KCNH1: variants seen among roughly 807,000 people sequenced by gnomAD.
The protein encoded by KCNH1 is potassium voltage-gated channel subfamily H member 1.
KCNH1 carries 27 observed loss-of-function variants against 69.2 expected under a neutral mutation model. That is an observed-to-expected ratio of 0.39 (90% CI 0.29 to 0.54). KCNH1 has a LOEUF of 0.54. KCNH1 is among the 20% of genes least tolerant of loss of function. The probability of loss-of-function intolerance (pLI) is 0.68; values close to 1 mark genes in which losing one functional copy is unlikely to be tolerated. For missense variants in KCNH1, 798 were observed against 1,261.6 expected (o/e 0.63, Z 5.57); for synonymous variants, 456 against 487.7 (o/e 0.93, Z 0.86).
intron 7 of KCNH1, among the ~76,000 whole-genome samples, chr1:210,916,871 G>C (rs1687343095): frequency 6.6e-6 from 1 of 152,028 alleles, no homozygotes; most frequent in South Asian, 2.1e-4. Context: ...AAATGGGCTG[G>C]GCGCAGTGGC....
intron 10 of KCNH1, among the ~76,000 whole-genome samples, chr1:210,707,721 C>G (rs187039772): frequency 2.2e-4 from 33 of 152,224 alleles, no homozygotes; most frequent in Admixed American, 1.4e-3. Flanking sequence ...CTAAAAAGTC[C>G]CTCAGCACTA....
At chr1:211,094,497 A>G (rs1691110841) in intron 3 of KCNH1, among the ~76,000 whole-genome samples, 1 of 152,230 alleles carries the variant, frequency 6.6e-6, no homozygotes, top group Non-Finnish European at 1.5e-5. Context: ...AAAGCTTAAC[A>G]GCTAACGACT....
intron 5 of KCNH1, among the ~76,000 whole-genome samples, chr1:211,046,182 TG>T (rs543257078): frequency 1.9e-3 from 282 of 152,322 alleles, no homozygotes; most frequent in African/African-American, 6.4e-3. Flanking sequence ...GCAATGAGCA[TG>T]GGAGTGCAGC....
intron 7 of KCNH1, among the ~76,000 whole-genome samples, chr1:210,836,174 T>C (rs1685278059): frequency 6.7e-6 from 1 of 148,958 alleles, no homozygotes; most frequent in Non-Finnish European, 1.5e-5. Context: ...TTTAATAAGA[T>C]AAATACATTT....
At chr1:210,843,300 G>A (rs1685461871) in intron 7 of KCNH1, among the ~76,000 whole-genome samples, 1 of 152,106 alleles carries the variant, frequency 6.6e-6, no homozygotes, top group Non-Finnish European at 1.5e-5. Flanking sequence ...AACAGTGATT[G>A]GTGCTCTATA....
intron 5 of KCNH1, among the ~76,000 whole-genome samples, chr1:211,041,380 G>C (rs1689992475): frequency 6.6e-6 from 1 of 152,032 alleles, no homozygotes; most frequent in Non-Finnish European, 1.5e-5. Flanking sequence ...CCCCCTTCAA[G>C]CAAACCTCCA....
intron 10 of KCNH1, among the ~76,000 whole-genome samples, chr1:210,719,846 G>A (rs1461402829): frequency 1.3e-5 from 2 of 152,124 alleles, no homozygotes; most frequent in South Asian, 2.1e-4. Context: ...AAAACAATCC[G>A]TATCACTGTA....
intron 5 of KCNH1, among the ~76,000 whole-genome samples, chr1:211,074,373 A>G (rs545396147): frequency 5.3e-5 from 8 of 151,978 alleles, no homozygotes; most frequent in Non-Finnish European, 1.2e-4. Context: ...AATAATAGTT[A>G]ATTTTATATC....
intron 7 of KCNH1, among the ~76,000 whole-genome samples, chr1:210,813,085 G>A (rs982420999): frequency 5.3e-5 from 8 of 152,118 alleles, no homozygotes; most frequent in African/African-American, 1.2e-4. Flanking sequence ...AGAATACTGC[G>A]CTGGTACATA....
chr1:210,882,922 T>C (rs1468890452), intron 7 of KCNH1, among the ~76,000 whole-genome samples: 1 of 152,194 alleles, frequency 6.6e-6, no homozygotes, highest in Non-Finnish European at 1.5e-5. Context: ...GAATCATTAA[T>C]ACATAGTAAA....
In KCNH1 at chr1:211,019,040, C is replaced by T; in HGVS notation, c.775G>A (p.Val259Ile). 1 of 1,614,072 alleles carries T rather than the reference C, an allele frequency of 6.2e-7. No individual in the cohort carries two copies. The highest frequency in any genetic ancestry group is 1.3e-5 in the African/African-American group (1 of 75,048). The change falls in exon 6 of 11, where the codon GTT becomes ATT. Residue 259 changes from valine to isoleucine, a missense_variant. Val to Ile is a conservative substitution (Grantham distance 29). This residue lies in a region of KCNH1 where 266 missense variants were observed against 457.2 expected (regional missense o/e 0.58). Transcript: ENST00000271751. ...AWLVVDSIVDVIFLVDIVLNF... is the reference protein window; with the variant it reads ...AWLVVDSIVDIIFLVDIVLNF... ...AGCACAATGTCCACCAAAAAGATAACATCCACGATGCTATCAACAACCAGC... is the reference window on the plus strand; with the variant it reads ...AGCACAATGTCCACCAAAAAGATAATATCCACGATGCTATCAACAACCAGC...
intron 7 of KCNH1, among the ~76,000 whole-genome samples, chr1:210,811,061 A>G (rs778543396): frequency 3.3e-5 from 5 of 152,184 alleles, no homozygotes; most frequent in Admixed American, 6.5e-5. Context: ...AATATTCAGC[A>G]ATTAAGTGAG....
intron 10 of KCNH1, among the ~76,000 whole-genome samples, chr1:210,717,793 A>T (rs1428286345): frequency 1.3e-5 from 2 of 152,180 alleles, no homozygotes; most frequent in African/African-American, 4.8e-5. Context: ...TAGTACCTAC[A>T]TTTAAAAAGT....
chr1:211,098,233 A>G (rs1382232696), intron 3 of KCNH1, among the ~76,000 whole-genome samples: 3 of 150,904 alleles, frequency 2.0e-5, no homozygotes, highest in Non-Finnish European at 4.4e-5. Flanking sequence ...AGATGGGAGG[A>G]TGGCTGGAGC....
At chr1:210,728,671 G>A (rs556419796) in intron 10 of KCNH1, among the ~76,000 whole-genome samples, 3 of 152,330 alleles carry the variant, frequency 2.0e-5, no homozygotes, top group South Asian at 4.1e-4. Context: ...ATCCAGGGAC[G>A]CAGCTGCCAC....
At chr1:210,984,720 C>T (rs1376459521) in intron 6 of KCNH1, among the ~76,000 whole-genome samples, 1 of 150,478 alleles carries the variant, frequency 6.6e-6, no homozygotes, top group Non-Finnish European at 1.5e-5. Context: ...ATCAATGTTC[C>T]TCAGGGATAT....
intron 7 of KCNH1, among the ~76,000 whole-genome samples, chr1:210,862,918 T>A (rs1686011578): frequency 6.6e-6 from 1 of 152,152 alleles, no homozygotes; most frequent in South Asian, 2.1e-4. Context: ...TCCCTACAGA[T>A]TCCCTGAAGC....
At chr1:211,093,641 T>C (rs1420465589) in intron 3 of KCNH1, among the ~76,000 whole-genome samples, 2 of 152,234 alleles carry the variant, frequency 1.3e-5, no homozygotes, top group Non-Finnish European at 2.9e-5. Context: ...TATCTAAATA[T>C]ATATCTTGTA....
At chr1:210,864,207 C>T (rs1686052800) in intron 7 of KCNH1, among the ~76,000 whole-genome samples, 1 of 152,200 alleles carries the variant, frequency 6.6e-6, no homozygotes, top group South Asian at 2.1e-4. Flanking sequence ...AGCAGAGTAG[C>T]TGTCTCCACT....
Sources: allele counts gnomAD v4.1 joint callset (sites outside exome capture counted in the v4.1 genomes callset), GRCh38; gene constraint gnomAD v4.1.1; regional missense constraint gnomAD v4.1.1; transcripts MANE v1.5; gene names NCBI Gene and HGNC (gene_info 2026-07-23, HGNC 2026-07-21).